PPP3CA: variants seen among roughly 807,000 people sequenced by gnomAD.
The protein encoded by PPP3CA is protein phosphatase 3 catalytic subunit alpha, also known as CAM-PRP catalytic subunit.
In PPP3CA, 14 loss-of-function variants were observed where a neutral mutation model predicts 66.5. That is an observed-to-expected ratio of 0.21 (90% CI 0.14 to 0.33). PPP3CA has a LOEUF of 0.33. Ranked by LOEUF, PPP3CA falls within the 10% of genes least tolerant of loss-of-function variation. The pLI, the probability that PPP3CA is intolerant of heterozygous loss-of-function variation, is 1.00. For synonymous variants in PPP3CA, 232 were observed against 226.2 expected, an observed-to-expected ratio of 1.03 and a Z score of -0.23; for missense variants, 317 against 639.5, an observed-to-expected ratio of 0.50 and a Z score of 5.44.
chr4:101,284,711 T>C (rs976622688), intron 1 of PPP3CA, among the ~76,000 whole-genome samples: 2 of 152,092 alleles, frequency 1.3e-5, no homozygotes, highest in Admixed American at 6.5e-5. Flanking sequence ...GTGGTTACCA[T>C]TGTTTTCAAT....
At chr4:101,104,706 A>T (rs1730583803) in intron 3 of PPP3CA, among the ~76,000 whole-genome samples, 1 of 152,218 alleles carries the variant, frequency 6.6e-6, no homozygotes, top group Non-Finnish European at 1.5e-5. Context: ...AGTTTCCTTA[A>T]TCCACAATAA....
intron 6 of PPP3CA, among the ~76,000 whole-genome samples, chr4:101,088,132 C>T (rs930735971): frequency 3.3e-5 from 5 of 151,848 alleles, no homozygotes; most frequent in African/African-American, 1.2e-4. Flanking sequence ...CTCTCTCTCC[C>T]CCTCCCCACC....
intron 1 of PPP3CA, among the ~76,000 whole-genome samples, chr4:101,319,369 G>C (rs1390047155): frequency 1.3e-5 from 2 of 152,034 alleles, no homozygotes; most frequent in Non-Finnish European, 2.9e-5. Flanking sequence ...CAAATTAGTG[G>C]AAGTGTCCAA....
intron 1 of PPP3CA, among the ~76,000 whole-genome samples, chr4:101,263,221 C>T (rs1727061093): frequency 6.6e-6 from 1 of 152,206 alleles, no homozygotes; most frequent in Admixed American, 6.5e-5. Flanking sequence ...GTCATCTTTG[C>T]TCCGCCTCAG....
In PPP3CA at chr4:101,253,152, A is replaced by T. The variant is rs73833283; in HGVS notation, c.59-57036T>A. On this transcript the variant is annotated intron_variant, in intron 1 of 13. Transcript: ENST00000394854. ...CAACATACTGAGATTGCTCATTAAA[A>T]GTGTTCTTGCTATGTTTATTTAATG... 3.4e-3 allele frequency among the ~76,000 whole-genome samples: 520 copies of T among 152,304 alleles called. 4 individuals carry two copies. The highest frequency in any genetic ancestry group is 0.012 in the African/African-American group (502 of 41,574).
intron 1 of PPP3CA, among the ~76,000 whole-genome samples, chr4:101,266,235 T>C (rs1233706985): frequency 6.6e-6 from 1 of 152,168 alleles, no homozygotes; most frequent in Non-Finnish European, 1.5e-5. Context: ...TCTGTCAAAA[T>C]ATGTAAAGCC....
chr4:101,347,123 G>A lies in PPP3CA; in HGVS notation c.-327C>T, dbSNP rs1054369164. The stretch of plus-strand genomic sequence containing the variant: ...TTTATTCTTGGGGGAAGGGGGATGG[G>A]GAGGAGAAGCGCACACACGAGCACC... On this transcript the variant is annotated 5_prime_UTR_variant, in exon 1 of 14. Transcript: ENST00000394854. The A allele has an allele frequency of 1.1e-5, 5 of 476,076 alleles. No homozygotes were observed. Among genetic ancestry groups the A allele is most frequent in the East Asian group, 4.5e-5 (1 of 22,256 alleles). 29.5% of individuals were successfully genotyped at this position (476,076 alleles called of 1,614,324 possible).
At chr4:101,288,345 A>G (rs1385540765) in intron 1 of PPP3CA, among the ~76,000 whole-genome samples, 1 of 152,144 alleles carries the variant, frequency 6.6e-6, no homozygotes, top group Non-Finnish European at 1.5e-5. Context: ...AAGGCCATTT[A>G]TTTTACTGAG....
At chr4:101,154,738 A>C (rs189269518) in intron 2 of PPP3CA, among the ~76,000 whole-genome samples, 2 of 151,836 alleles carry the variant, frequency 1.3e-5, no homozygotes, top group Admixed American at 1.3e-4. Flanking sequence ...TATGCACTGA[A>C]TTACATTTGT....
Position 101,032,341 on chromosome 4 carries a change from G to C in PPP3CA, c.1265C>G (p.Thr422Arg). Residue 422 changes from threonine to arginine, a missense_variant, in exon 12 of 14, where the codon ACG (threonine) becomes AGG (arginine). This residue lies in a region of PPP3CA where 201 missense variants were observed against 501.4 expected (regional missense o/e 0.40). Transcript: ENST00000394854. Reference sequence around the variant, plus strand: ...GCCAGTTGGGGTCAAGCCTTTCAGCGTCAGCACACTCTCACTCTCTTCTCT... The same window carrying C: ...GCCAGTTGGGGTCAAGCCTTTCAGCCTCAGCACACTCTCACTCTCTTCTCT... Reference protein sequence around the residue: ...VLREESESVLTLKGLTPTGML... With the variant: ...VLREESESVLRLKGLTPTGML... 1 of 1,613,132 alleles carries C rather than the reference G, an allele frequency of 6.2e-7. No homozygotes were observed. The highest frequency in any genetic ancestry group is 2.2e-5 in the East Asian group (1 of 44,786).
At chr4:101,108,645 A>G (rs1721530171) in intron 3 of PPP3CA, among the ~76,000 whole-genome samples, 1 of 152,154 alleles carries the variant, frequency 6.6e-6, no homozygotes, top group Non-Finnish European at 1.5e-5. Flanking sequence ...GGGCGCGTGT[A>G]ATCCCAGCTA....
chr4:101,119,754 G>A (rs546566799), intron 2 of PPP3CA, among the ~76,000 whole-genome samples: 8 of 152,174 alleles, frequency 5.3e-5, no homozygotes, highest in Admixed American at 5.2e-4. Flanking sequence ...TATAGGCAGT[G>A]GGAATATCAG....
At chr4:101,104,770 T>A (rs1730587425) in intron 3 of PPP3CA, among the ~76,000 whole-genome samples, 1 of 152,164 alleles carries the variant, frequency 6.6e-6, no homozygotes, top group Non-Finnish European at 1.5e-5. Context: ...TCCATGCTAT[T>A]TTACATACGA....
chr4:101,257,310 C>T (rs1190043154), intron 1 of PPP3CA, among the ~76,000 whole-genome samples: 1 of 148,784 alleles, frequency 6.7e-6, no homozygotes, highest in East Asian at 2.0e-4. Flanking sequence ...AGATAGAGGT[C>T]TCCATCTACA....
chr4:101,170,707 A>C (rs1278825242), intron 2 of PPP3CA, among the ~76,000 whole-genome samples: 2 of 152,170 alleles, frequency 1.3e-5, no homozygotes, highest in Non-Finnish European at 2.9e-5. Flanking sequence ...TTACTAAGAA[A>C]AGTAACAGAA....
chr4:101,272,673 T>A (rs541148327), intron 1 of PPP3CA, among the ~76,000 whole-genome samples: 5 of 152,232 alleles, frequency 3.3e-5, no homozygotes, highest in African/African-American at 1.2e-4. Context: ...AATAATGTTA[T>A]CTACCTCATG....
At chr4:101,308,482 G>C (rs959718209) in intron 1 of PPP3CA, among the ~76,000 whole-genome samples, 2 of 152,032 alleles carry the variant, frequency 1.3e-5, no homozygotes, top group African/African-American at 4.8e-5. Flanking sequence ...CAAGGTCTCT[G>C]TCACCCAGGC....
chr4:101,153,132 G>C (rs1723196790), intron 2 of PPP3CA, among the ~76,000 whole-genome samples: 1 of 152,186 alleles, frequency 6.6e-6, no homozygotes, highest in Non-Finnish European at 1.5e-5. Flanking sequence ...GAAGTGGTAG[G>C]ACGGTAAAGT....
At chr4:101,345,131 T>G (rs1729939019) in intron 1 of PPP3CA, among the ~76,000 whole-genome samples, 1 of 152,184 alleles carries the variant, frequency 6.6e-6, no homozygotes, top group South Asian at 2.1e-4. Flanking sequence ...TGCAGAGCTA[T>G]TTCCTCATTA....
Sources: gnomAD v4.1 joint callset for allele counts (sites outside exome capture counted in the v4.1 genomes callset) on GRCh38, gnomAD v4.1.1 for gene constraint, gnomAD v4.1.1 regional missense constraint, MANE v1.5 for transcripts, NCBI Gene and HGNC (gene_info 2026-07-23, HGNC 2026-07-21) for gene names.